NHS: variants seen among roughly 807,000 people sequenced by gnomAD.
NHS encodes NHS actin remodeling regulator.
NHS carries 5 observed loss-of-function variants against 72.5 expected under a neutral mutation model. That is an observed-to-expected ratio of 0.07 (90% confidence interval 0.04 to 0.14). The LOEUF (loss-of-function observed/expected upper bound fraction) is 0.14, where lower values mean the gene tolerates loss of function less well. NHS is among the 10% of genes least tolerant of loss of function. The pLI is 1.00. For missense variants in NHS, 1,072 were observed against 1,355.7 expected (o/e 0.79, Z 3.29); for synonymous variants, 464 against 547.7 (o/e 0.85, Z 2.13).
Position 17,376,059 on chromosome X carries a change from A to T in NHS, c.302A>T (p.Glu101Val). Residue 101 changes from glutamate to valine, a missense_variant, in exon 1 of 9, where the codon GAG becomes GTG. Physicochemically the swap from Glu to Val is moderately radical, Grantham distance 121. Transcript: ENST00000676302. ...GAGGAGAGCACGGCGGGGATCCCGG[A>T]GGCGGCGCCCGCAGCCGGCGAGGCG... The part of the protein sequence containing the change: ...AGEESTAGIP[E>V]AAPAAGEASS... 1 of 1,055,771 alleles carries T rather than the reference A, an allele frequency of 9.5e-7. No homozygotes were observed. The highest frequency in any genetic ancestry group is 4.0e-5 in the East Asian group (1 of 25,072). 87.0% of individuals were successfully genotyped at this position (1,055,771 alleles called of 1,213,427 possible).
intron 1 of NHS, among the ~76,000 whole-genome samples, chrX:17,537,169 A>C (rs1050290558): frequency 8.9e-6 from 1 of 112,334 alleles, no homozygotes; most frequent in Admixed American, 9.4e-5. Flanking sequence ...ATATGGCACC[A>C]AACTTGAAGT....
intron 1 of NHS, among the ~76,000 whole-genome samples, chrX:17,683,834 C>T (rs1463066704): frequency 8.9e-6 from 1 of 111,790 alleles, no homozygotes; most frequent in Non-Finnish European, 1.9e-5. Flanking sequence ...GAGGAATTGA[C>T]AAGACAAAGC....
intron 1 of NHS, among the ~76,000 whole-genome samples, chrX:17,607,802 C>G (rs980611181): frequency 9.0e-6 from 1 of 110,588 alleles, no homozygotes. Flanking sequence ...ATATATGTGA[C>G]TACTGGCTTC....
intron 1 of NHS, among the ~76,000 whole-genome samples, chrX:17,506,327 C>T (rs185016765): frequency 8.2e-5 from 9 of 109,888 alleles, no homozygotes; most frequent in South Asian, 3.9e-4. Flanking sequence ...TCAGAAGTTC[C>T]AGACCAGCCT....
At chrX:17,699,458 G>GT (rs2147120783) in intron 3 of NHS, among the ~76,000 whole-genome samples, 1 of 112,174 alleles carries the variant, frequency 8.9e-6, no homozygotes, top group African/African-American at 3.2e-5. Flanking sequence ...AAGAGATGGA[G>GT]TTTTTTAATG....
intron 8 of NHS, among the ~76,000 whole-genome samples, chrX:17,730,758 T>C (rs1487900294): frequency 8.9e-6 from 1 of 112,336 alleles, no homozygotes; most frequent in African/African-American, 3.2e-5. Flanking sequence ...CTTGTTTATT[T>C]ACATCACAGC....
chrX:17,631,920 A>AG (rs2065823453), intron 1 of NHS, among the ~76,000 whole-genome samples: 1 of 112,013 alleles, frequency 8.9e-6, no homozygotes, highest in Non-Finnish European at 1.9e-5. Context: ...TCACAGTCTA[A>AG]GATAGCTGCT....
At chrX:17,447,832 GTTCT>G (rs768644670) in intron 1 of NHS, among the ~76,000 whole-genome samples, 6 of 102,444 alleles carry the variant, frequency 5.9e-5, no homozygotes, top group African/African-American at 1.1e-4. Flanking sequence ...GGATTTTCTG[GTTCT>G]TTCTTCTTTA....
At chrX:17,525,707 T>C (rs1670898359) in intron 1 of NHS, among the ~76,000 whole-genome samples, 1 of 106,982 alleles carries the variant, frequency 9.3e-6, no homozygotes, top group Admixed American at 1.0e-4. Context: ...ATTATTGTTT[T>C]AGTGGGCCTA....
intron 1 of NHS, among the ~76,000 whole-genome samples, chrX:17,487,409 C>T (rs1025311833): frequency 8.9e-6 from 1 of 111,880 alleles, no homozygotes; most frequent in Admixed American, 9.5e-5. Flanking sequence ...TTTTACTTGA[C>T]TTATTTATGT....
chrX:17,426,126 A>G (rs144062574), intron 1 of NHS, among the ~76,000 whole-genome samples: 217 of 112,175 alleles, frequency 1.9e-3, no homozygotes, highest in African/African-American at 6.4e-3. Context: ...CTGATTGCAC[A>G]TATCTCTCCC....
chrX:17,665,082 T>C (rs2066003457), intron 1 of NHS, among the ~76,000 whole-genome samples: 1 of 109,332 alleles, frequency 9.1e-6, no homozygotes, highest in Non-Finnish European at 1.9e-5. Flanking sequence ...ATAAATGCAA[T>C]TGATTTTTAT....
Position 17,583,887 on chromosome X carries a change from C to A in NHS, c.566-103855C>A, listed in dbSNP as rs754292913. The stretch of plus-strand genomic sequence containing the variant: ...ATGTTCATGTAAAAATATATTTAGG[C>A]CATTTCCAAAATGGAGCTTATTAAT... On this transcript the variant is annotated intron_variant, in intron 1 of 8. Transcript: ENST00000676302. Among the ~76,000 whole-genome samples the A allele has an allele frequency of 3.6e-5, 4 of 112,222 alleles. No homozygotes were observed. The Admixed American group carries it at 3.8e-4, about 11-fold the overall frequency.
chrX:17,724,231 T>C (rs1463812180), intron 5 of NHS, 68 bp from the exon 6 acceptor site: 44 of 1,183,857 alleles, frequency 3.7e-5, no homozygotes, highest in Non-Finnish European at 5.0e-5. Context: ...AAAATATCAC[T>C]GTGTTCCAAG....
chrX:17,489,143 A>G (rs187636087), intron 1 of NHS, among the ~76,000 whole-genome samples: 136 of 112,183 alleles, frequency 1.2e-3, no homozygotes, highest in African/African-American at 4.3e-3. Flanking sequence ...ATGGCTGCAT[A>G]GTATTCTACG....
rs1485057635 is a variant in NHS, at chrX:17,727,325, A to T, written c.3219A>T (p.Ile1073=). 2 of 1,209,731 alleles carry T rather than the reference A, an allele frequency of 1.7e-6. No homozygotes were observed. The highest frequency in any genetic ancestry group is 2.2e-6 in the Non-Finnish European group (2 of 894,754). The change falls in exon 7 of 9, where the codon ATA becomes ATT. Residue 1073 remains isoleucine (I), a synonymous_variant. Coordinates refer to ENST00000676302, the MANE Select transcript of NHS (RefSeq NM_001291867.2). ...AACCCTCTTTAAAAGATGGAACTAT[A>T]TCACTGAGTAAAGACCTTGAACTTC... ...LQQPSLKDGT[I]SLSKDLELPI...
At chrX:17,409,302 A>G (rs1159493040) in intron 1 of NHS, among the ~76,000 whole-genome samples, 6 of 111,895 alleles carry the variant, frequency 5.4e-5, no homozygotes, top group Non-Finnish European at 1.1e-4. Context: ...TGAGTCAGGC[A>G]GGAGCACTTA....
intron 1 of NHS, among the ~76,000 whole-genome samples, chrX:17,556,134 T>C (rs1322869316): frequency 8.9e-6 from 1 of 112,660 alleles, no homozygotes; most frequent in Non-Finnish European, 1.9e-5. Context: ...CTGGATTTTA[T>C]TTTCAATTGT....
chrX:17,480,191 A>G (rs1223945016), intron 1 of NHS, among the ~76,000 whole-genome samples: 1 of 111,928 alleles, frequency 8.9e-6, no homozygotes, highest in Non-Finnish European at 1.9e-5. Flanking sequence ...TATCATGCAA[A>G]TGGCCATACT....
Sources: allele counts gnomAD v4.1 joint callset (sites outside exome capture counted in the v4.1 genomes callset), GRCh38; gene constraint gnomAD v4.1.1; transcripts MANE v1.5; gene names NCBI Gene and HGNC (gene_info 2026-07-23, HGNC 2026-07-21).